ADAM12: variants seen among roughly 807,000 people sequenced by gnomAD.
ADAM12 encodes ADAM metallopeptidase domain 12.
A neutral mutation model predicts 106.4 loss-of-function variants in ADAM12; 70 were observed. The observed-to-expected ratio is 0.66, with a 90% CI of 0.54 to 0.80. ADAM12 has a LOEUF of 0.80. ADAM12 is among the 30% of genes least tolerant of loss of function. ADAM12 has a pLI of 0.00. For missense variants in ADAM12, 1,010 were observed against 1,171.9 expected, an observed-to-expected ratio of 0.86 and a Z score of 2.02; for synonymous variants, 420 against 433.5, an observed-to-expected ratio of 0.97 and a Z score of 0.39.
At chr10:126,118,617 A>G (rs1205792321) in intron 5 of ADAM12, among the ~76,000 whole-genome samples, 1 of 152,238 alleles carries the variant, frequency 6.6e-6, no homozygotes, top group Non-Finnish European at 1.5e-5. Context: ...GTTTACTTTT[A>G]AAATATTTCA....
At chr10:126,113,299 G>T (rs1463151123) in intron 6 of ADAM12, among the ~76,000 whole-genome samples, 1 of 152,112 alleles carries the variant, frequency 6.6e-6, no homozygotes, top group Non-Finnish European at 1.5e-5. Context: ...GGACACTGGG[G>T]CCATGGCAAG....
chr10:126,365,176 C>A (rs1324983474), intron 1 of ADAM12, among the ~76,000 whole-genome samples: 3 of 152,112 alleles, frequency 2.0e-5, no homozygotes, highest in Non-Finnish European at 2.9e-5. Context: ...GACCTAAAGC[C>A]AAATTCTATG....
chr10:126,109,717 T>C (rs1955834379), intron 7 of ADAM12, 58 bp downstream of exon 7: 1 of 1,501,016 alleles, frequency 6.7e-7, no homozygotes, highest in Non-Finnish European at 9.1e-7. Flanking sequence ...TTGCAAAACA[T>C]GTCCTTTTTT....
chr10:126,239,277 C>G (rs114864811), intron 3 of ADAM12, among the ~76,000 whole-genome samples: 1 of 152,136 alleles, frequency 6.6e-6, no homozygotes, highest in South Asian at 2.1e-4. Flanking sequence ...GAAAAAGAAC[C>G]TCATTGTTTC....
chr10:126,132,619 G>C (rs775852732), intron 5 of ADAM12, among the ~76,000 whole-genome samples: 1 of 151,208 alleles, frequency 6.6e-6, no homozygotes, highest in African/African-American at 2.4e-5. Context: ...GGCTTTCCTA[G>C]AGGTCACTGC....
chr10:126,333,130 G>A (rs1362158229), intron 1 of ADAM12, among the ~76,000 whole-genome samples: 2 of 152,178 alleles, frequency 1.3e-5, no homozygotes, highest in South Asian at 4.1e-4. Flanking sequence ...CTGTCAAAGC[G>A]ATCGCGAGCA....
At chr10:126,166,586 A>G (rs7900198) in intron 3 of ADAM12, among the ~76,000 whole-genome samples, 30,839 of 151,320 alleles carry the variant, frequency 0.2, 3,142 homozygotes, top group African/African-American at 0.25. Context: ...TGCAACCTCC[A>G]CCTCCCGGTT....
chr10:126,307,407 G>A (rs1960894936), intron 2 of ADAM12, among the ~76,000 whole-genome samples: 1 of 152,110 alleles, frequency 6.6e-6, no homozygotes, highest in Non-Finnish European at 1.5e-5. Flanking sequence ...AGGCTGGAGT[G>A]CAATGGCACA....
intron 3 of ADAM12, among the ~76,000 whole-genome samples, chr10:126,272,190 C>G (rs1297277987): frequency 2.0e-5 from 3 of 152,220 alleles, no homozygotes; most frequent in Non-Finnish European, 4.4e-5. Flanking sequence ...AGGACAGGAA[C>G]TTTATCTTAT....
rs1955840076 is a variant in ADAM12 at position 126,109,929 on chromosome 10, G to C, written c.604-89C>G. 3 of 1,291,250 alleles carry C rather than the reference G, an allele frequency of 2.3e-6. No homozygotes were observed. The African/African-American group carries it at 4.4e-5, about 19-fold the overall frequency. The allele number at this position is 1,291,250 out of a possible 1,614,324, so 80.0% of individuals were successfully genotyped here. On this transcript the variant is annotated intron_variant, in intron 6 of 22. Coordinates refer to ENST00000448723, the MANE Select transcript of ADAM12 (RefSeq NM_001288973.2). The stretch of plus-strand genomic sequence containing the variant: ...TCTCTCAATCTAAACACTTTAGGTT[G>C]AGAATGTATATCCCCCATCCCCGCC...
chr10:126,342,229 G>C (rs182413976), intron 1 of ADAM12, among the ~76,000 whole-genome samples: 5 of 152,334 alleles, frequency 3.3e-5, no homozygotes, highest in Admixed American at 1.3e-4. Flanking sequence ...CTAAGTTCCA[G>C]TGGCCAAGGA....
rs534870589 is a variant in ADAM12, at chr10:126,022,799, C to T, written c.2530-2974G>A. ...TTTAAACAAGGAAATGAATTCAAAC[C>T]TCATTTTTATGCCCTCTTAACTTCT... On this transcript the variant is annotated intron_variant, in intron 21 of 22. Transcript: ENST00000448723. 2.8e-4 allele frequency among the ~76,000 whole-genome samples: 42 copies of T among 152,264 alleles called. 1 individual carries two copies. In the South Asian group the frequency reaches 8.7e-3, roughly 32 times the overall value.
chr10:126,212,936 C>CGAGGT (rs774637505), intron 3 of ADAM12, among the ~76,000 whole-genome samples: 730 of 152,114 alleles, frequency 4.8e-3, no homozygotes, highest in Non-Finnish European at 7.9e-3. Context: ...GCTTCACATA[C>CGAGGT]CATAAAACAC....
chr10:126,342,297 T>C (rs1413604495), intron 1 of ADAM12, among the ~76,000 whole-genome samples: 1 of 152,222 alleles, frequency 6.6e-6, no homozygotes, highest in Non-Finnish European at 1.5e-5. Flanking sequence ...TTTGATTTTC[T>C]AGCCATTGAC....
chr10:126,091,856 C>T (rs996792279), intron 11 of ADAM12, among the ~76,000 whole-genome samples: 1 of 152,034 alleles, frequency 6.6e-6, no homozygotes, highest in Non-Finnish European at 1.5e-5. Context: ...TCCCCACGAG[C>T]ACAGGGGTCA....
chr10:126,039,536 GAA>G (rs1954123046), intron 18 of ADAM12, 107 bp from the exon 19 acceptor site: 1 of 1,386,308 alleles, frequency 7.2e-7, no homozygotes, highest in Non-Finnish European at 1.0e-6. Flanking sequence ...CAACAGAAAT[GAA>G]GAGAGTACAC....
rs766873256 is a variant in ADAM12, at chr10:126,043,461, C to T, written c.1996-313G>A. Among the ~76,000 whole-genome samples the T allele has an allele frequency of 6.6e-6, 1 of 152,156 alleles. No individual in the cohort carries two copies. Among genetic ancestry groups the T allele is most frequent in the Non-Finnish European group, 1.5e-5 (1 of 68,028 alleles). On this transcript the variant is annotated intron_variant, in intron 17 of 22. Transcript: ENST00000448723. This position sits in a 1 kb window ranked among gnomAD's most constrained non-coding sequence, Gnocchi z 4.1. ...CATCTCCCCATCTTCCTTTTTCAAT[C>T]TGGAAAACTGTCTGACCATGAGGAG...
intron 14 of ADAM12, among the ~76,000 whole-genome samples, chr10:126,060,331 G>A (rs1268882953): frequency 2.0e-5 from 3 of 152,182 alleles, no homozygotes; most frequent in Admixed American, 6.5e-5. Context: ...GAAGGGCTTC[G>A]TCCAGTCAGT....
intron 3 of ADAM12, among the ~76,000 whole-genome samples, chr10:126,171,809 C>T (rs912507304): frequency 6.6e-6 from 1 of 152,158 alleles, no homozygotes; most frequent in Non-Finnish European, 1.5e-5. Context: ...GTAAAAGGAC[C>T]CAGCAAGTAG....
Sources: allele counts gnomAD v4.1 joint callset (sites outside exome capture counted in the v4.1 genomes callset), GRCh38; gene constraint gnomAD v4.1.1; non-coding constraint Gnocchi (gnomAD v3.1); transcripts MANE v1.5; gene names NCBI Gene and HGNC (gene_info 2026-07-23, HGNC 2026-07-21).